RBM47: variants seen among roughly 807,000 people sequenced by gnomAD.
RBM47 encodes the protein RNA binding motif protein 47, also known as RNA-binding protein 47.
A neutral mutation model predicts 47.1 loss-of-function variants in RBM47; 21 were observed. The ratio of observed to expected loss-of-function variants is 0.45; its 90% CI spans 0.32 to 0.64. The LOEUF (loss-of-function observed/expected upper bound fraction) is 0.64. Among genes scored for constraint, RBM47 ranks in the 30% least tolerant of loss-of-function variants. The pLI is 0.05. For synonymous variants in RBM47, 375 were observed against 361.7 expected, an observed-to-expected ratio of 1.04 and a Z score of -0.42; for missense variants, 708 against 870.9, an observed-to-expected ratio of 0.81 and a Z score of 2.35.
chr4:40,469,374 T>C (rs906042586), intron 2 of RBM47, among the ~76,000 whole-genome samples: 16 of 151,690 alleles, frequency 1.1e-4, no homozygotes, highest in South Asian at 4.1e-4. Context: ...TTAGGGTCAA[T>C]GTTTGTTTCC....
At chr4:40,549,186 G>C (rs1302480914) in intron 1 of RBM47, among the ~76,000 whole-genome samples, 1 of 151,636 alleles carries the variant, frequency 6.6e-6, no homozygotes, top group Non-Finnish European at 1.5e-5. Context: ...CCGCCCCCTG[G>C]GTTCAAGCGA....
At chr4:40,604,193 T>C (rs1050169269) in intron 1 of RBM47, among the ~76,000 whole-genome samples, 2 of 152,182 alleles carry the variant, frequency 1.3e-5, no homozygotes, top group Admixed American at 1.3e-4. Flanking sequence ...GTGTCTGTAA[T>C]ATTACACAGG....
Position 40,426,151 on chromosome 4 carries a change from G to A in RBM47, c.1543-8C>T. 6.2e-7 allele frequency: 1 copy of A among 1,610,594 alleles called. No individual in the cohort carries two copies. The highest frequency in any genetic ancestry group is 8.5e-7 in the Non-Finnish European group (1 of 1,178,498). Reference sequence around the variant, plus strand: ...TGGAGTTATTGGGCGGCCCTGAGGAGAAGAGACAAAAAGGAGCCTTCCTGA... The same window carrying A: ...TGGAGTTATTGGGCGGCCCTGAGGAAAAGAGACAAAAAGGAGCCTTCCTGA... On this transcript the variant is annotated splice_region_variant and splice_polypyrimidine_tract_variant and intron_variant, in intron 6 of 6. Transcript: ENST00000295971.
At position 40,429,688 on chromosome 4, in the gene RBM47, CAAAAAAA is replaced by C. The variant is rs60673202; in HGVS notation, c.1542+2956_1542+2962del. 5.1e-3 allele frequency among the ~76,000 whole-genome samples: 195 copies of C among 38,072 alleles called. 1 individual carries two copies. The highest frequency in any genetic ancestry group is 0.021 in the South Asian group (21 of 996). The allele number at this position is 38,072 out of a possible 152,430, so 25.0% of individuals were successfully genotyped here. A position where few individuals can be genotyped will look rare whatever the true frequency, so the allele number is the denominator to read the frequency against. ...TGGGTGACAAAGTGAGACTCCATCT[CAAAAAAA>C]AAAAAAAAAAAAAAAAAAAAAAGTG... On this transcript the variant is annotated intron_variant, in intron 6 of 6. Coordinates refer to ENST00000295971, the MANE Select transcript of RBM47 (RefSeq NM_001098634.2).
upstream of RBM47, chr4:40,630,202 T>C (rs1424970574): frequency 1.3e-5 from 2 of 152,356 alleles, no homozygotes; most frequent in Non-Finnish European, 2.9e-5. Flanking sequence ...GTCACATGCC[T>C]TTCAGACACC....
chr4:40,436,571 T>A lies in RBM47; in HGVS notation c.1200A>T (p.Gly400=), dbSNP rs1250152740. ...TATATATACCACGACCAGCAGAATA[T>A]CCCCCGAGGTAGGAACCCCTAGGCC... is the stretch of plus-strand genomic sequence containing the variant. The part of the protein sequence containing the change: ...APGPRGSYLG[G]YSAGRGIYSR... The change falls in exon 5 of 7, where the codon GGA becomes GGT. Residue 400 remains glycine (G), a synonymous_variant. Coordinates refer to ENST00000295971, the MANE Select transcript of RBM47 (RefSeq NM_001098634.2). 4.3e-6 allele frequency: 7 copies of A among 1,614,020 alleles called. No homozygotes were observed. The highest frequency in any genetic ancestry group is 5.9e-6 in the Non-Finnish European group (7 of 1,180,036).
At position 40,509,588 on chromosome 4, in the gene RBM47, G is replaced by C. The variant is rs575076925; in HGVS notation, c.-155+34834C>G. Among the ~76,000 whole-genome samples the C allele has an allele frequency of 7.8e-4, 119 of 152,188 alleles. 3 individuals carry two copies. In the South Asian group the frequency reaches 0.024, roughly 31 times the overall value. ...CCTGTCTCTATAAAATTTTTAAAAA[G>C]TAAAGAAACTGGGCCGGGCGCGGTG... On this transcript the variant is annotated intron_variant, in intron 2 of 6. Transcript: ENST00000295971.
chr4:40,455,744 T>C (rs1024439486), intron 3 of RBM47: 2 of 152,212 alleles, frequency 1.3e-5, no homozygotes, highest in Admixed American at 6.5e-5. Context: ...AGGGTAACCC[T>C]GCCTCATAGC....
intron 2 of RBM47, among the ~76,000 whole-genome samples, chr4:40,479,588 T>C (rs1029802115): frequency 1.3e-5 from 2 of 149,844 alleles, no homozygotes; most frequent in Admixed American, 6.7e-5. Context: ...AGTGAGATCC[T>C]GTCTCAAAAA....
chr4:40,493,322 A>G (rs1447687638), intron 2 of RBM47, among the ~76,000 whole-genome samples: 1 of 152,188 alleles, frequency 6.6e-6, no homozygotes, highest in African/African-American at 2.4e-5. Flanking sequence ...TTAAGGAGGC[A>G]GGAGGGATTA....
chr4:40,456,895 G>A (rs1459096667), intron 3 of RBM47, among the ~76,000 whole-genome samples: 3 of 151,756 alleles, frequency 2.0e-5, no homozygotes, highest in African/African-American at 2.4e-5. Flanking sequence ...CAACACGCCC[G>A]GCCAGCCTCA....
chr4:40,474,222 G>C (rs1719300291), intron 2 of RBM47, among the ~76,000 whole-genome samples: 1 of 152,174 alleles, frequency 6.6e-6, no homozygotes, highest in Admixed American at 6.5e-5. Context: ...CCTGACCTCT[G>C]ATCTGTGAAG....
chr4:40,454,601 G>A (rs894752231), intron 3 of RBM47, among the ~76,000 whole-genome samples: 1 of 152,118 alleles, frequency 6.6e-6, no homozygotes, highest in East Asian at 1.9e-4. Context: ...GGGTTCAAGC[G>A]AATCCTGCCT....
At chr4:40,523,904 G>C (rs1726459468) in intron 2 of RBM47, among the ~76,000 whole-genome samples, 1 of 151,590 alleles carries the variant, frequency 6.6e-6, no homozygotes, top group African/African-American at 2.4e-5. Context: ...AGGAAAACAG[G>C]GTTGTCTGAT....
chr4:40,626,589 C>T (rs954928967), intron 1 of RBM47, among the ~76,000 whole-genome samples: 9 of 152,222 alleles, frequency 5.9e-5, no homozygotes, highest in African/African-American at 1.4e-4. Context: ...TTTCTACTTT[C>T]GCTGGAAAAT....
chr4:40,584,465 A>T (rs1439692223), intron 1 of RBM47, among the ~76,000 whole-genome samples: 1 of 152,236 alleles, frequency 6.6e-6, no homozygotes, highest in Non-Finnish European at 1.5e-5. Flanking sequence ...ACAGGTGACA[A>T]TTTTAATAAT....
At chr4:40,624,391 T>C (rs1737540902) in intron 1 of RBM47, among the ~76,000 whole-genome samples, 1 of 152,156 alleles carries the variant, frequency 6.6e-6, no homozygotes, top group African/African-American at 2.4e-5. Flanking sequence ...AACCCCTTTT[T>C]TTCTCACCAC....
chr4:40,433,007 C>T, intron 5 of RBM47, 145 bp from the exon 6 acceptor site: 1 of 1,243,010 alleles, frequency 8.0e-7, no homozygotes, highest in Non-Finnish European at 1.1e-6. Flanking sequence ...GTGGCCCAGG[C>T]TGGAATGCAG....
chr4:40,593,035 G>T (rs1412713491), intron 1 of RBM47, among the ~76,000 whole-genome samples: 1 of 107,942 alleles, frequency 9.3e-6, no homozygotes, highest in South Asian at 3.5e-4. Flanking sequence ...TGGCTCTGTC[G>T]CCCAGGCTGG....
Sources: allele counts gnomAD v4.1 joint callset (sites outside exome capture counted in the v4.1 genomes callset), GRCh38; gene constraint gnomAD v4.1.1; transcripts MANE v1.5; gene names NCBI Gene and HGNC (gene_info 2026-07-23, HGNC 2026-07-21).